Variants in MDGA2 observed in about 807,000 individuals in gnomAD.
The protein encoded by MDGA2 is MAM domain-containing glycosylphosphatidylinositol anchor protein 2.
In MDGA2, 40 loss-of-function variants were observed where a neutral mutation model predicts 117.8. The ratio of observed to expected loss-of-function variants is 0.34; its 90% CI spans 0.26 to 0.44. The LOEUF (loss-of-function observed/expected upper bound fraction) is 0.44. Among genes scored for constraint, MDGA2 ranks in the 20% least tolerant of loss-of-function variants. The probability of loss-of-function intolerance (pLI) is 1.00; values close to 1 mark genes in which losing one functional copy is unlikely to be tolerated. For missense variants in MDGA2, 1,123 were observed against 1,250.6 expected, an observed-to-expected ratio of 0.90 and a Z score of 1.54; for synonymous variants, 452 against 439.0, an observed-to-expected ratio of 1.03 and a Z score of -0.37.
chr14:46,913,026 C>G (rs1206069655), intron 10 of MDGA2, among the ~76,000 whole-genome samples: 1 of 152,068 alleles, frequency 6.6e-6, no homozygotes, highest in Admixed American at 6.6e-5. Context: ...TCTCTCTCAT[C>G]TCTATATGTT....
intron 1 of MDGA2, among the ~76,000 whole-genome samples, chr14:47,515,697 T>C (rs535682584): frequency 2.4e-4 from 36 of 152,222 alleles, no homozygotes; most frequent in African/African-American, 8.4e-4. Flanking sequence ...ACATAAGTTA[T>C]CAGGTACCAC....
At chr14:47,283,049 T>A (rs1888554190) in intron 2 of MDGA2, among the ~76,000 whole-genome samples, 1 of 152,068 alleles carries the variant, frequency 6.6e-6, no homozygotes, top group Non-Finnish European at 1.5e-5. Context: ...GATGAAGTCA[T>A]CACATATCAA....
At chr14:47,598,756 T>C (rs74664161) in intron 1 of MDGA2, among the ~76,000 whole-genome samples, 5,188 of 152,276 alleles carry the variant, frequency 0.034, 291 homozygotes, top group African/African-American at 0.12. Context: ...ATAGTGGTGA[T>C]GGTTGCACAA....
intron 8 of MDGA2, among the ~76,000 whole-genome samples, chr14:47,002,690 T>C (rs1437053530): frequency 2.0e-5 from 3 of 151,892 alleles, no homozygotes; most frequent in Non-Finnish European, 4.4e-5. Flanking sequence ...GATTACACCG[T>C]TGCACTCCAG....
chr14:47,097,028 C>G lies in MDGA2; in HGVS notation c.1021G>C (p.Ala341Pro). ...GACCTGACCCAGGTGAGAGAAGGTG[C>G]AGGCTCTCCTCCTGTTGTAACACAT... is the stretch of plus-strand genomic sequence containing the variant. ...LVCVTTGGEP[A>P]PSLTWVRSFG... is the part of the protein sequence containing the mutation. The change falls in exon 6 of 17, where the codon GCA becomes CCA. Residue 341 changes from alanine to proline, a missense_variant. This residue lies in a region of MDGA2 where 890 missense variants were observed against 1,050.3 expected (regional missense o/e 0.85). Coordinates refer to ENST00000399232, the MANE Select transcript of MDGA2 (RefSeq NM_001113498.3). The G allele has an allele frequency of 6.2e-7, 1 of 1,613,320 alleles. No individual in the cohort carries two copies. Among genetic ancestry groups the G allele is most frequent in the Non-Finnish European group, 8.5e-7 (1 of 1,179,482 alleles).
chr14:46,985,025 G>T (rs1049433946), intron 8 of MDGA2, among the ~76,000 whole-genome samples: 3 of 151,992 alleles, frequency 2.0e-5, no homozygotes, highest in African/African-American at 7.2e-5. Flanking sequence ...CTTCAGAAGA[G>T]AATTAGACAG....
At chr14:47,016,354 T>C (rs1262835824) in intron 8 of MDGA2, among the ~76,000 whole-genome samples, 1 of 147,214 alleles carries the variant, frequency 6.8e-6, no homozygotes, top group Non-Finnish European at 1.5e-5. Flanking sequence ...CCAAATAATG[T>C]AGTATCAGTT....
intron 14 of MDGA2, among the ~76,000 whole-genome samples, chr14:46,856,250 T>TA (rs1304440383): frequency 6.6e-6 from 1 of 152,114 alleles, no homozygotes; most frequent in African/African-American, 2.4e-5. Flanking sequence ...TAGATAATTT[T>TA]AAAAATCAAC....
chr14:47,252,148 G>T (rs564208724), intron 2 of MDGA2, among the ~76,000 whole-genome samples: 12 of 152,010 alleles, frequency 7.9e-5, no homozygotes, highest in Non-Finnish European at 1.5e-4. Context: ...CCATTTTACA[G>T]CTAAAGGGAA....
chr14:47,217,464 C>G, intron 3 of MDGA2, among the ~76,000 whole-genome samples: 1 of 151,892 alleles, frequency 6.6e-6, no homozygotes, highest in East Asian at 1.9e-4. Context: ...TCAACAAACA[C>G]TTTTCAGGTG....
At chr14:47,196,625 T>C (rs1163147365) in intron 3 of MDGA2, among the ~76,000 whole-genome samples, 2 of 152,190 alleles carry the variant, frequency 1.3e-5, no homozygotes, top group African/African-American at 4.8e-5. Flanking sequence ...TATTTAAAAG[T>C]ATATTCTCAA....
At chr14:47,064,196 G>C (rs1954244) in intron 6 of MDGA2, among the ~76,000 whole-genome samples, 1 of 151,946 alleles carries the variant, frequency 6.6e-6, no homozygotes, top group Admixed American at 6.6e-5. Flanking sequence ...GCTTTTAAGA[G>C]TGAACTCATA....
intron 2 of MDGA2, among the ~76,000 whole-genome samples, chr14:47,263,198 A>G (rs1483014279): frequency 3.3e-5 from 5 of 149,954 alleles, no homozygotes; most frequent in African/African-American, 1.2e-4. Context: ...AGTTGGGTCA[A>G]TAAATTGGAA....
intron 3 of MDGA2, among the ~76,000 whole-genome samples, chr14:47,194,087 A>G (rs945886162): frequency 6.6e-6 from 1 of 152,192 alleles, no homozygotes; most frequent in Non-Finnish European, 1.5e-5. Flanking sequence ...TTATATTTCT[A>G]TTTTACTATA....
chr14:47,406,394 A>T (rs1892262032), intron 1 of MDGA2, among the ~76,000 whole-genome samples: 1 of 152,058 alleles, frequency 6.6e-6, no homozygotes, highest in Non-Finnish European at 1.5e-5. Context: ...ACAATATGGT[A>T]ACTATGTACT....
intron 8 of MDGA2, among the ~76,000 whole-genome samples, chr14:46,965,596 C>T (rs770295697): frequency 2.6e-5 from 4 of 152,068 alleles, no homozygotes; most frequent in South Asian, 4.1e-4. Flanking sequence ...TTATAGTGCA[C>T]TCAAGTCTGT....
intron 11 of MDGA2, among the ~76,000 whole-genome samples, chr14:46,879,120 A>G (rs1448461741): frequency 6.6e-6 from 1 of 152,082 alleles, no homozygotes; most frequent in Admixed American, 6.6e-5. Context: ...GTATTTGGGG[A>G]TAAATCCTTT....
intron 1 of MDGA2, among the ~76,000 whole-genome samples, chr14:47,602,418 T>G (rs1361820974): frequency 1.3e-5 from 2 of 152,094 alleles, no homozygotes; most frequent in African/African-American, 4.8e-5. Flanking sequence ...AGTAGAATAA[T>G]TCAACTTTAT....
intron 8 of MDGA2, among the ~76,000 whole-genome samples, chr14:46,978,726 T>C (rs978792507): frequency 6.6e-6 from 1 of 152,034 alleles, no homozygotes; most frequent in Non-Finnish European, 1.5e-5. Context: ...ATTGAGAAAA[T>C]ACTATAGAAT....
Sources: gnomAD v4.1 joint callset for allele counts (sites outside exome capture counted in the v4.1 genomes callset) on GRCh38, gnomAD v4.1.1 for gene constraint, gnomAD v4.1.1 regional missense constraint, MANE v1.5 for transcripts, NCBI Gene and HGNC (gene_info 2026-07-23, HGNC 2026-07-21) for gene names.